Variants in CLIC2 observed in about 807,000 individuals in gnomAD.
CLIC2 encodes the protein chloride intracellular channel protein 2.
CLIC2 carries 9 observed loss-of-function variants against 14.8 expected under a neutral mutation model. The ratio of observed to expected loss-of-function variants is 0.61; its 90% CI spans 0.37 to 1.06. The LOEUF (loss-of-function observed/expected upper bound fraction) is 1.06, where lower values mean the gene tolerates loss of function less well. CLIC2 is among the 50% of genes least tolerant of loss of function. The pLI is 0.01. For missense variants in CLIC2, 148 were observed against 181.4 expected (o/e 0.82, Z 1.06); for synonymous variants, 61 against 66.3 (o/e 0.92, Z 0.39).
At chrX:155,311,518 A>C (rs1018288995) in intron 1 of CLIC2, among the ~76,000 whole-genome samples, 5 of 111,777 alleles carry the variant, frequency 4.5e-5, no homozygotes, top group East Asian at 2.8e-4. Context: ...CCATTCAACA[A>C]GTCTCTAGGA....
chrX:155,280,140 A>T, intron 3 of CLIC2, 72 bp from the exon 4 acceptor site: 1 of 680,373 alleles, frequency 1.5e-6, no homozygotes, highest in South Asian at 2.2e-5. Context: ...AGCTTGCACT[A>T]TACTGAAAAT....
chrX:155,299,042 A>G lies in CLIC2; in HGVS notation c.161T>C (p.Met54Thr). Residue 54 changes from methionine to threonine, a missense_variant, in exon 2 of 6, where the codon ATG becomes ACG. Coordinates refer to ENST00000369449, the MANE Select transcript of CLIC2 (RefSeq NM_001289.6). Reference sequence around the variant, plus strand: ...ATGTCCTGATTTCTCTTACCTGGTCATGTCAACAGTTGTCACATTAAATTT... The same window carrying G: ...ATGTCCTGATTTCTCTTACCTGGTCGTGTCAACAGTTGTCACATTAAATTT... ...GVKFNVTTVD[M>T]TRKPEELKDL... 4.2e-6 allele frequency: 5 copies of G among 1,203,143 alleles called. No homozygotes were observed. The highest frequency in any genetic ancestry group is 1.7e-5 in the African/African-American group (1 of 57,705).
At chrX:155,278,471 A>AATTCATC (rs1286592165) in intron 5 of CLIC2, among the ~76,000 whole-genome samples, 1 of 112,384 alleles carries the variant, frequency 8.9e-6, no homozygotes, top group Non-Finnish European at 1.9e-5. Flanking sequence ...ATTTATGATT[A>AATTCATC]ATTCATCATA....
chrX:155,292,092 A>C, intron 3 of CLIC2: 1 of 566,142 alleles, frequency 1.8e-6, no homozygotes, highest in South Asian at 2.2e-5. Context: ...TCAAGTCAAG[A>C]TCTTGGCTTT....
chrX:155,333,337 T>C (rs781928996), intron 1 of CLIC2, among the ~76,000 whole-genome samples: 3 of 111,361 alleles, frequency 2.7e-5, no homozygotes, highest in Non-Finnish European at 5.7e-5. Flanking sequence ...CATTATAATA[T>C]TGTAATAACT....
chrX:155,313,111 C>T (rs969158390), intron 1 of CLIC2, among the ~76,000 whole-genome samples: 11 of 103,492 alleles, frequency 1.1e-4, no homozygotes, highest in African/African-American at 1.8e-4. Context: ...TGGGATGCCA[C>T]GGAGGGAGGA....
chrX:155,304,823 G>A (rs1158015709), intron 1 of CLIC2, among the ~76,000 whole-genome samples: 1 of 79,673 alleles, frequency 1.3e-5, no homozygotes, highest in Non-Finnish European at 2.7e-5. Context: ...CTGCAGGTCT[G>A]TTGGAGTACC....
In CLIC2 at chrX:155,277,140, C is replaced by T. The variant is rs2074901530; in HGVS notation, c.*763G>A. 8.9e-6 allele frequency: 1 copy of T among 112,216 alleles called. No homozygotes were observed. The highest frequency in any genetic ancestry group is 2.8e-4 in the East Asian group (1 of 3,609). 9.2% of individuals were successfully genotyped at this position (112,216 alleles called of 1,213,427 possible). On this transcript the variant is annotated 3_prime_UTR_variant, in exon 6 of 6. Transcript: ENST00000369449. ...TTATCTAAGGACTGTTTACCTTATC[C>T]TTTTATGGACAACAAGAAGACCTTT...
intron 1 of CLIC2, among the ~76,000 whole-genome samples, chrX:155,305,115 G>A (rs1476633740): frequency 5.3e-5 from 6 of 112,359 alleles, no homozygotes; most frequent in Non-Finnish European, 9.4e-5. Flanking sequence ...CACCCAGTTC[G>A]AGCTTCTGGG....
At chrX:155,323,202 C>T (rs1428554435) in intron 1 of CLIC2, among the ~76,000 whole-genome samples, 3 of 111,739 alleles carry the variant, frequency 2.7e-5, no homozygotes, top group South Asian at 3.7e-4. Flanking sequence ...CATCCTGACA[C>T]CAGAACCTGT....
At chrX:155,315,890 G>T (rs2075093520) in intron 1 of CLIC2, among the ~76,000 whole-genome samples, 1 of 111,525 alleles carries the variant, frequency 9.0e-6, no homozygotes, top group Non-Finnish European at 1.9e-5. Flanking sequence ...AACACATAAG[G>T]ACTCAGGTAA....
intron 1 of CLIC2, among the ~76,000 whole-genome samples, chrX:155,325,784 A>C (rs1291790465): frequency 1.2e-5 from 1 of 86,256 alleles, no homozygotes; most frequent in Non-Finnish European, 2.3e-5. Context: ...ATATATATAT[A>C]TATATATATA....
chrX:155,325,852 C>T (rs782710080), intron 1 of CLIC2, among the ~76,000 whole-genome samples: 1 of 94,007 alleles, frequency 1.1e-5, no homozygotes, highest in African/African-American at 3.9e-5. Context: ...CATAAAAAGG[C>T]ACTAAATAAT....
intron 1 of CLIC2, among the ~76,000 whole-genome samples, chrX:155,320,138 A>T (rs1197348072): frequency 8.9e-6 from 1 of 112,448 alleles, no homozygotes; most frequent in East Asian, 2.8e-4. Flanking sequence ...CAGCTTCAGC[A>T]GACTTAGACG....
intron 2 of CLIC2, 61 bp downstream of exon 2, chrX:155,298,975 T>C: frequency 8.6e-7 from 1 of 1,166,085 alleles, no homozygotes; most frequent in South Asian, 1.8e-5. Context: ...TAAACACCAA[T>C]ATTTTATTGG....
Position 155,277,943 on chromosome X carries a change from A to G in CLIC2, c.704T>C (p.Ile235Thr). 1 of 1,210,324 alleles carries G rather than the reference A, an allele frequency of 8.3e-7. No individual in the cohort carries two copies. Among genetic ancestry groups the G allele is most frequent in the Admixed American group, 2.2e-5 (1 of 46,006 alleles). Reference protein sequence around the residue: ...FTHTCPEDKEIENTYANVAKQ... With the variant: ...FTHTCPEDKETENTYANVAKQ... ...AGCCACATTTGCGTAAGTATTTTCAATTTCTTTGTCTTCAGGACACGTGTG... is the reference window on the plus strand; with the variant it reads ...AGCCACATTTGCGTAAGTATTTTCAGTTTCTTTGTCTTCAGGACACGTGTG... Residue 235 changes from isoleucine (I) to threonine (T), a missense_variant, in exon 6 of 6, where the codon ATT becomes ACT. Ile to Thr is a moderately conservative substitution (Grantham distance 89). Coordinates refer to ENST00000369449, the MANE Select transcript of CLIC2 (RefSeq NM_001289.6).
chrX:155,278,547 CTTTAA>C (rs1557316050), intron 5 of CLIC2, among the ~76,000 whole-genome samples: 1 of 112,212 alleles, frequency 8.9e-6, no homozygotes, highest in African/African-American at 3.2e-5. Flanking sequence ...ATTTTAAATG[CTTTAA>C]TTTATTTAAT....
chrX:155,296,799 C>CA (rs58922935), intron 3 of CLIC2, among the ~76,000 whole-genome samples: 5 of 106,913 alleles, frequency 4.7e-5, no homozygotes, highest in African/African-American at 1.4e-4. Flanking sequence ...ATTAAAAAGA[C>CA]AAAAAAAAAA....
rs1489840194 is a variant in CLIC2 at position 155,302,899 on chromosome X, A to G, written c.58-3754T>C. On this transcript the variant is annotated intron_variant, in intron 1 of 5. Coordinates refer to ENST00000369449, the MANE Select transcript of CLIC2 (RefSeq NM_001289.6). ...ATGTAGTTGAGCGGTTTTGAGTGAG[A>G]TTCTTAATCCTGAGTTCTAGTTTGA... Among the ~76,000 whole-genome samples the G allele has an allele frequency of 1.1e-4, 9 of 84,858 alleles. No homozygotes were observed. In the East Asian group the frequency reaches 3.6e-3, roughly 34 times the overall value. 73.7% of individuals were successfully genotyped at this position (84,858 alleles called of 115,157 possible). A position where few individuals can be genotyped will look rare whatever the true frequency, so the allele number is the denominator to read the frequency against.
Sources: gnomAD v4.1 joint callset for allele counts (sites outside exome capture counted in the v4.1 genomes callset) on GRCh38, gnomAD v4.1.1 for gene constraint, MANE v1.5 for transcripts, NCBI Gene and HGNC (gene_info 2026-07-23, HGNC 2026-07-21) for gene names.